The following GRIP1 variants were observed in gnomAD, a reference collection of about 807,000 sequenced individuals.
GRIP1 encodes glutamate receptor interacting protein 1.
A neutral mutation model predicts 129.9 loss-of-function variants in GRIP1; 45 were observed. The observed-to-expected ratio is 0.35, with a 90% CI of 0.27 to 0.44. GRIP1 has a LOEUF of 0.44. Among genes scored for constraint, GRIP1 ranks in the 20% least tolerant of loss-of-function variants. The probability of loss-of-function intolerance (pLI) is 1.00; values close to 1 mark genes in which losing one functional copy is unlikely to be tolerated. For synonymous variants in GRIP1, 530 were observed against 520.8 expected (o/e 1.02, Z -0.24); for missense variants, 1,196 against 1,396.8 (o/e 0.86, Z 2.29).
At position 66,881,452 on chromosome 12, in the gene GRIP1, A is replaced by G. The variant is rs115528880; in HGVS notation, c.58+187598T>C. On this transcript the variant is annotated intron_variant, in intron 1 of 1. Transcript: ENST00000643019. The stretch of plus-strand genomic sequence containing the variant: ...ACATGCACATATAATTATGACTTTT[A>G]TAACTTAAGAGCTCTACTTAACCCA... 4.6e-3 allele frequency among the ~76,000 whole-genome samples: 706 copies of G among 152,312 alleles called. 8 individuals carry two copies. The highest frequency in any genetic ancestry group is 0.016 in the African/African-American group (660 of 41,570).
intron 2 of GRIP1, among the ~76,000 whole-genome samples, chr12:66,557,948 A>C (rs1304253712): frequency 6.8e-6 from 1 of 146,206 alleles, no homozygotes; most frequent in East Asian, 1.9e-4. Context: ...TAGTAGCATA[A>C]AAGAAAAGAG....
intron 1 of GRIP1, among the ~76,000 whole-genome samples, chr12:66,655,303 TTC>T (rs2033078053): frequency 1.3e-5 from 2 of 152,194 alleles, no homozygotes; most frequent in African/African-American, 4.8e-5. Context: ...CTGCAAATCT[TTC>T]TGTTTTGTTT....
chr12:66,793,748 G>A (rs1488655922), intron 1 of GRIP1, among the ~76,000 whole-genome samples: 1 of 152,166 alleles, frequency 6.6e-6, no homozygotes, highest in Non-Finnish European at 1.5e-5. Context: ...GCAGTTGGGA[G>A]CTGGGATATT....
chr12:66,372,290 C>A (rs2055551175), intron 22 of GRIP1: 1 of 350,300 alleles, frequency 2.9e-6, no homozygotes. Context: ...ATTCATGAGG[C>A]CACCTTGAAT....
At chr12:66,443,535 A>G (rs1592880602) in intron 13 of GRIP1, among the ~76,000 whole-genome samples, 1 of 150,372 alleles carries the variant, frequency 6.7e-6, no homozygotes, top group Admixed American at 6.6e-5. Context: ...GCTCACTGCA[A>G]CCTCCGCCTC....
intron 1 of GRIP1, among the ~76,000 whole-genome samples, chr12:67,042,889 C>T (rs1372884929): frequency 6.6e-6 from 1 of 152,180 alleles, no homozygotes; most frequent in African/African-American, 2.4e-5. Flanking sequence ...GGAACAGGAG[C>T]ATAATACATC....
intron 2 of GRIP1, among the ~76,000 whole-genome samples, chr12:66,560,947 C>T (rs1262454265): frequency 6.6e-6 from 1 of 152,056 alleles, no homozygotes; most frequent in Non-Finnish European, 1.5e-5. Flanking sequence ...TGTTCATCAA[C>T]AGATGAATGG....
At position 66,839,939 on chromosome 12, in the gene GRIP1, G is replaced by A. The variant is rs1251535006; in HGVS notation, c.58+229111C>T. Among the ~76,000 whole-genome samples the A allele has an allele frequency of 2.6e-5, 4 of 152,130 alleles. No individual in the cohort carries two copies. In the East Asian group the frequency reaches 7.7e-4, roughly 29 times the overall value. On this transcript the variant is annotated intron_variant, in intron 1 of 1. Transcript: ENST00000643019. Reference sequence around the variant, plus strand: ...TTATATTTGATAAGTGTGTTTAATAGATACTATAGGTAGCCATTATAATCA... The same window carrying A: ...TTATATTTGATAAGTGTGTTTAATAAATACTATAGGTAGCCATTATAATCA...
At chr12:66,800,816 T>A (rs558131681) in intron 1 of GRIP1, among the ~76,000 whole-genome samples, 1 of 152,070 alleles carries the variant, frequency 6.6e-6, no homozygotes, top group African/African-American at 2.4e-5. Context: ...AAATGAATCA[T>A]CTTTGTGAGA....
intron 1 of GRIP1, among the ~76,000 whole-genome samples, chr12:66,885,652 G>A (rs1174384037): frequency 2.0e-5 from 3 of 152,142 alleles, no homozygotes; most frequent in African/African-American, 7.2e-5. Context: ...CAGGTGGGAT[G>A]AGATAGCTCA....
At chr12:66,743,142 A>G (rs947177639) in intron 1 of GRIP1, among the ~76,000 whole-genome samples, 4 of 152,156 alleles carry the variant, frequency 2.6e-5, no homozygotes, top group African/African-American at 9.7e-5. Context: ...GACTGCATTT[A>G]CTCACCTAAC....
upstream of GRIP1, among the ~76,000 whole-genome samples, chr12:66,805,643 ACT>A (rs1306819191): frequency 6.6e-6 from 1 of 152,142 alleles, no homozygotes; most frequent in African/African-American, 2.4e-5. Context: ...TGCACTTTGC[ACT>A]CTCTGTTAGA....
At chr12:66,351,402 A>C (rs1436942165) in intron 24 of GRIP1, among the ~76,000 whole-genome samples, 1 of 152,196 alleles carries the variant, frequency 6.6e-6, no homozygotes, top group African/African-American at 2.4e-5. Context: ...ACTATATTTA[A>C]AGTAAGCAAG....
At chr12:67,038,690 T>C (rs997024347) in intron 1 of GRIP1, among the ~76,000 whole-genome samples, 3 of 152,212 alleles carry the variant, frequency 2.0e-5, no homozygotes, top group African/African-American at 7.2e-5. Context: ...AAGGAAAGGT[T>C]TGAGGAAGAA....
chr12:66,742,386 T>C (rs7961471), intron 1 of GRIP1, among the ~76,000 whole-genome samples: 93,635 of 151,926 alleles, frequency 0.62, 29,354 homozygotes, highest in East Asian at 0.77. Flanking sequence ...GGAACCAGTA[T>C]AAATTGCTAC....
intron 1 of GRIP1, among the ~76,000 whole-genome samples, chr12:66,794,509 T>C (rs1407729067): frequency 6.6e-6 from 1 of 152,138 alleles, no homozygotes; most frequent in African/African-American, 2.4e-5. Context: ...AAATTTCACA[T>C]GAAGGCAGTG....
intron 5 of GRIP1, among the ~76,000 whole-genome samples, chr12:66,524,854 A>G (rs1291746692): frequency 2.6e-5 from 4 of 152,344 alleles, no homozygotes; most frequent in Non-Finnish European, 5.9e-5. Flanking sequence ...GGATATCACC[A>G]CTGATCCCAA....
At chr12:67,056,126 G>A (rs1399623652) in intron 1 of GRIP1, among the ~76,000 whole-genome samples, 4 of 152,200 alleles carry the variant, frequency 2.6e-5, no homozygotes, top group Non-Finnish European at 5.9e-5. Flanking sequence ...GCCATACCAT[G>A]TCTATTCCAG....
intron 1 of GRIP1, among the ~76,000 whole-genome samples, chr12:66,613,960 C>A (rs1300612684): frequency 6.6e-6 from 1 of 152,146 alleles, no homozygotes; most frequent in Non-Finnish European, 1.5e-5. Context: ...AAAGCATTCA[C>A]TGATCTTTTC....
Sources: allele counts gnomAD v4.1 joint callset (sites outside exome capture counted in the v4.1 genomes callset), GRCh38; gene constraint gnomAD v4.1.1; transcripts MANE v1.5; gene names NCBI Gene and HGNC (gene_info 2026-07-23, HGNC 2026-07-21).